Variants in PRSS12 observed in about 807,000 individuals in gnomAD.
PRSS12 encodes neurotrypsin.
In PRSS12, 85 loss-of-function variants were observed where a neutral mutation model predicts 104.4. The ratio of observed to expected loss-of-function variants is 0.81; its 90% confidence interval spans 0.68 to 0.98. The LOEUF (loss-of-function observed/expected upper bound fraction) is 0.98. PRSS12 is among the 50% of genes least tolerant of loss of function. The pLI is 0.00. For synonymous variants in PRSS12, 454 were observed against 425.2 expected, an observed-to-expected ratio of 1.07 and a Z score of -0.83; for missense variants, 1,141 against 1,139.2, an observed-to-expected ratio of 1.00 and a Z score of -0.02.
chr4:118,320,732 G>A (rs1159706812), intron 4 of PRSS12, among the ~76,000 whole-genome samples: 13 of 152,084 alleles, frequency 8.5e-5, no homozygotes, highest in Admixed American at 6.6e-5. Flanking sequence ...CAGCCTGGGT[G>A]ACACAGAGAA....
Position 118,298,798 on chromosome 4 carries a change from T to C in PRSS12, c.1772A>G (p.His591Arg). Reference protein sequence around the residue: ...KQDIGRHNCRHSEDAGVICDY... With the variant: ...KQDIGRHNCRRSEDAGVICDY... ...ACAAATAACTCCTGCATCTTCACTG[T>C]GGCGGCAGTTGTGTCTTCCAATATC... Residue 591 changes from histidine (H) to arginine (R), a missense_variant, in exon 9 of 13, where the codon CAC becomes CGC. By Grantham distance (29) the His-to-Arg change is conservative. Coordinates refer to ENST00000296498, the MANE Select transcript of PRSS12 (RefSeq NM_003619.4). 1.2e-6 allele frequency: 2 copies of C among 1,614,212 alleles called. No homozygotes were observed. The highest frequency in any genetic ancestry group is 1.7e-6 in the Non-Finnish European group (2 of 1,180,030).
intron 5 of PRSS12, among the ~76,000 whole-genome samples, chr4:118,317,142 T>C (rs1415009574): frequency 6.6e-6 from 1 of 152,062 alleles, no homozygotes; most frequent in East Asian, 1.9e-4. Context: ...CATATATTAT[T>C]TGTTAGGCAT....
At chr4:118,307,350 A>T (rs1743583033) in intron 8 of PRSS12, among the ~76,000 whole-genome samples, 1 of 152,216 alleles carries the variant, frequency 6.6e-6, no homozygotes, top group African/African-American at 2.4e-5. Context: ...AACTTTTATT[A>T]AAACAGAAAT....
chr4:118,352,384 C>A lies in PRSS12; in HGVS notation c.337G>T (p.Ala113Ser), dbSNP rs1405487860. 1.9e-6 allele frequency: 3 copies of A among 1,550,620 alleles called. No individual in the cohort carries two copies. Among genetic ancestry groups the A allele is most frequent in the Admixed American group, 3.9e-5 (2 of 51,922 alleles). The change falls in exon 1 of 13, where the codon GCG becomes TCG. Residue 113 changes from alanine to serine, a missense_variant. By Grantham distance (99) the Ala-to-Ser change is moderately conservative. Transcript: ENST00000296498. Reference protein sequence around the residue: ...TDFGAPCLRWAEVPPFLERSP... With the variant: ...TDFGAPCLRWSEVPPFLERSP... ...CGCTCCAGGAAGGGTGGCACCTCCG[C>A]CCACCGCAGACACGGGGCGCCGAAG...
Position 118,318,430 on chromosome 4 carries a change from C to T in PRSS12, c.1098G>A (p.Glu366=). The change falls in exon 5 of 13, where the codon GAG becomes GAA. Residue 366 remains glutamate, a synonymous_variant. Transcript: ENST00000296498. ...CATCTTCTTTATGGCCACAGTTATG[C>T]TCTCCCCAGGAGCTCTTTGGACACT... The part of the protein sequence containing the change: ...IEQCPKSSWG[E]HNCGHKEDAG... 1.2e-6 allele frequency: 2 copies of T among 1,614,086 alleles called. No homozygotes were observed. Among genetic ancestry groups the T allele is most frequent in the South Asian group, 1.1e-5 (1 of 91,074 alleles).
In PRSS12 at chr4:118,313,357, T is replaced by C. The variant is rs775780789; in HGVS notation, c.1333A>G (p.Thr445Ala). ...QASANHFEESTGPIWLDDVSC... is the reference protein window; with the variant it reads ...QASANHFEESAGPIWLDDVSC... ...ACGTCATCCAACCATATGGGCCCTG[T>C]GCTTTCTTCAAAATGGTTGGCAGAT... The change falls in exon 7 of 13, where the codon ACA (threonine) becomes GCA (alanine). Residue 445 changes from threonine (T) to alanine (A), a missense_variant. Transcript: ENST00000296498. The C allele has an allele frequency of 5.6e-6, 9 of 1,614,032 alleles. No homozygotes were observed. The South Asian group carries it at 8.8e-5, about 16-fold the overall frequency.
In PRSS12 at chr4:118,338,263, A is replaced by ATAT; in HGVS notation, c.553_554insATA (p.Val185delinsAspIle). The ATAT allele has an allele frequency of 6.2e-7, 1 of 1,614,026 alleles. No homozygotes were observed. Among genetic ancestry groups the ATAT allele is most frequent in the Non-Finnish European group, 8.5e-7 (1 of 1,179,944 alleles). On this transcript the variant is annotated protein_altering_variant, in exon 2 of 13. Coordinates refer to ENST00000296498, the MANE Select transcript of PRSS12 (RefSeq NM_003619.4). ...AGTGCCCCAAACTCCACTTGCATAT[A>ATAT]CTTCCACTGTGCCTTCAAACTCATT...
intron 11 of PRSS12, among the ~76,000 whole-genome samples, chr4:118,286,311 G>A (rs1395780316): frequency 6.6e-6 from 1 of 152,110 alleles, no homozygotes; most frequent in Non-Finnish European, 1.5e-5. Context: ...CCTGGCCCCT[G>A]TGCTCCTGTC....
chr4:118,305,570 T>C (rs1235555677), intron 8 of PRSS12, among the ~76,000 whole-genome samples: 1 of 152,124 alleles, frequency 6.6e-6, no homozygotes, highest in Non-Finnish European at 1.5e-5. Flanking sequence ...AATATATCCA[T>C]CACCTCCAAA....
rs1461126131 is a variant in PRSS12 at position 118,282,842 on chromosome 4, C to T, written c.2309G>A (p.Trp770Ter). 1.2e-6 allele frequency: 2 copies of T among 1,614,180 alleles called. No individual in the cohort carries two copies. The highest frequency in any genetic ancestry group is 2.2e-5 in the South Asian group (2 of 91,082). ...TGATTATGCCTTACCTGTGTCACCC[C>T]ATCCTGTTATGTAACAGTTGGATGC... is the stretch of plus-strand genomic sequence containing the variant. The part of the protein sequence containing the change: ...KTASNCYITG[W>*]GDTGRAYSRT... Residue 770 changes from tryptophan to a stop codon, truncating the protein, a stop_gained, in exon 12 of 13, where the codon TGG (tryptophan) becomes TAG (stop). Transcript: ENST00000296498. LOFTEE classifies it high-confidence loss of function.
At chr4:118,306,384 A>C (rs1351926802) in intron 8 of PRSS12, among the ~76,000 whole-genome samples, 3 of 152,202 alleles carry the variant, frequency 2.0e-5, no homozygotes, top group Non-Finnish European at 2.9e-5. Context: ...TAAAGAAAAG[A>C]GGTTTAATTG....
intron 3 of PRSS12, among the ~76,000 whole-genome samples, chr4:118,332,410 C>A (rs1723950221): frequency 6.6e-6 from 1 of 152,142 alleles, no homozygotes; most frequent in Non-Finnish European, 1.5e-5. Context: ...TTCATTTGGG[C>A]ATGAATCAGC....
intron 1 of PRSS12, among the ~76,000 whole-genome samples, chr4:118,343,267 C>T (rs1187533164): frequency 6.6e-6 from 1 of 151,748 alleles, no homozygotes; most frequent in Non-Finnish European, 1.5e-5. Context: ...TGGTGGCCCA[C>T]GTGTGTAGTC....
chr4:118,324,139 A>G (rs537814841), intron 4 of PRSS12, among the ~76,000 whole-genome samples: 43 of 152,146 alleles, frequency 2.8e-4, no homozygotes, highest in African/African-American at 9.6e-4. Flanking sequence ...AACTCAAGCA[A>G]TCTGCCCACC....
chr4:118,291,228 G>A (rs1226364718), intron 11 of PRSS12, among the ~76,000 whole-genome samples: 5 of 151,976 alleles, frequency 3.3e-5, no homozygotes, highest in African/African-American at 9.7e-5. Flanking sequence ...GGCCATTCTC[G>A]TCTCTCTAAG....
chr4:118,303,510 T>G (rs1485577261), intron 8 of PRSS12: 1 of 152,162 alleles, frequency 6.6e-6, no homozygotes, highest in African/African-American at 2.4e-5. Context: ...CATTTTCTTT[T>G]GACTACTCTT....
At chr4:118,322,916 G>GA (rs944901049) in intron 4 of PRSS12, among the ~76,000 whole-genome samples, 16 of 150,068 alleles carry the variant, frequency 1.1e-4, no homozygotes, top group Admixed American at 5.3e-4. Context: ...TAAACGCCAG[G>GA]AAAAAAAAAT....
intron 3 of PRSS12, among the ~76,000 whole-genome samples, chr4:118,332,955 G>C (rs577676272): frequency 6.6e-6 from 1 of 152,150 alleles, no homozygotes; most frequent in Non-Finnish European, 1.5e-5. Context: ...TAAGGGCGTC[G>C]ATAAAAGGAG....
intron 8 of PRSS12, among the ~76,000 whole-genome samples, chr4:118,299,674 C>CT (rs1257265334): frequency 7.1e-6 from 1 of 141,508 alleles, no homozygotes; most frequent in African/African-American, 2.6e-5. Context: ...GAGCAAAACT[C>CT]TGTCTCAAAA....
Sources: allele counts gnomAD v4.1 joint callset (sites outside exome capture counted in the v4.1 genomes callset), GRCh38; gene constraint gnomAD v4.1.1; transcripts MANE v1.5; gene names NCBI Gene and HGNC (gene_info 2026-07-23, HGNC 2026-07-21).